The following GALNT13 variants were observed in gnomAD, a reference collection of about 807,000 sequenced individuals.
GALNT13 encodes polypeptide N-acetylgalactosaminyltransferase 13, also known as UDP-GalNAc:polypeptide N-acetylgalactosaminyltransferase 13.
A neutral mutation model predicts 64.2 loss-of-function variants in GALNT13; 28 were observed. That is an observed-to-expected ratio of 0.44 (90% confidence interval 0.32 to 0.60). The LOEUF (loss-of-function observed/expected upper bound fraction) is 0.60, where lower values mean the gene tolerates loss of function less well. Among genes scored for constraint, GALNT13 ranks in the 20% least tolerant of loss-of-function variants. The pLI, the probability that GALNT13 is intolerant of heterozygous loss-of-function variation, is 0.05. For missense variants in GALNT13, 577 were observed against 669.8 expected (o/e 0.86, Z 1.53); for synonymous variants, 214 against 224.6 (o/e 0.95, Z 0.42).
intron 1 of GALNT13, among the ~76,000 whole-genome samples, chr2:153,890,078 T>C (rs1246020591): frequency 6.6e-6 from 1 of 151,734 alleles, no homozygotes; most frequent in Non-Finnish European, 1.5e-5. Context: ...CAGGAAAGAG[T>C]AACACCTGCG....
chr2:153,105,087 CA>C, the GALNT13 span, among the ~76,000 whole-genome samples: 3 of 139,052 alleles, frequency 2.2e-5, no homozygotes, highest in South Asian at 7.4e-4. Context: ...TTCCTGTGTC[CA>C]TGTGTTCTCA....
At chr2:153,880,704 T>A in intron 1 of GALNT13, among the ~76,000 whole-genome samples, 1 of 152,166 alleles carries the variant, frequency 6.6e-6, no homozygotes, top group Non-Finnish European at 1.5e-5. Context: ...TTAGAAACAG[T>A]CTGTCACTGA....
chr2:154,145,074 A>C (rs12473948), intron 4 of GALNT13, among the ~76,000 whole-genome samples: 23,238 of 105,064 alleles, frequency 0.22, 2,756 homozygotes, highest in East Asian at 0.6. Context: ...CTCTCTCTCT[A>C]TCTATCTATC....
chr2:153,800,998 T>C, the GALNT13 span, among the ~76,000 whole-genome samples: 1 of 152,174 alleles, frequency 6.6e-6, no homozygotes, highest in Non-Finnish European at 1.5e-5. Flanking sequence ...GGAGATGGCT[T>C]CTTTCCTTAA....
chr2:154,316,935 A>G (rs1694349838), intron 9 of GALNT13, among the ~76,000 whole-genome samples: 1 of 152,208 alleles, frequency 6.6e-6, no homozygotes, highest in South Asian at 2.1e-4. Context: ...CAGGTGGGCC[A>G]GGTGCGGTGG....
At chr2:153,876,370 TGAA>T (rs1200291616) in intron 1 of GALNT13, among the ~76,000 whole-genome samples, 1 of 152,184 alleles carries the variant, frequency 6.6e-6, no homozygotes, top group Non-Finnish European at 1.5e-5. Flanking sequence ...GGCACATTGT[TGAA>T]GGACTTCTGC....
At chr2:154,123,950 G>T (rs1421954507) in intron 3 of GALNT13, among the ~76,000 whole-genome samples, 5 of 151,938 alleles carry the variant, frequency 3.3e-5, no homozygotes, top group African/African-American at 1.2e-4. Flanking sequence ...GTGTTTACAT[G>T]GGTATATACA....
chr2:153,128,287 C>G, the GALNT13 span, among the ~76,000 whole-genome samples: 9 of 152,124 alleles, frequency 5.9e-5, no homozygotes, highest in Non-Finnish European at 1.3e-4. Flanking sequence ...GGGGAGGCCT[C>G]ACAATCACGG....
At chr2:154,255,169 A>T (rs1195503745) in intron 7 of GALNT13, among the ~76,000 whole-genome samples, 2 of 152,162 alleles carry the variant, frequency 1.3e-5, no homozygotes, top group African/African-American at 4.8e-5. Context: ...GATTTCAAGC[A>T]GGAAGCCTGA....
chr2:153,175,071 T>C, the GALNT13 span, among the ~76,000 whole-genome samples: 1 of 152,284 alleles, frequency 6.6e-6, no homozygotes, highest in Non-Finnish European at 1.5e-5. Flanking sequence ...CCATAACAAC[T>C]ATATAAAAAC....
chr2:153,268,963 C>T, the GALNT13 span, among the ~76,000 whole-genome samples: 1 of 152,182 alleles, frequency 6.6e-6, no homozygotes, highest in Non-Finnish European at 1.5e-5. Context: ...TCATTTATTC[C>T]TCCTAGGTCT....
At chr2:153,691,643 G>T in the GALNT13 span, among the ~76,000 whole-genome samples, 2 of 151,596 alleles carry the variant, frequency 1.3e-5, no homozygotes, top group African/African-American at 4.8e-5. Flanking sequence ...ATAAACACAA[G>T]AAAAAAACCC....
At chr2:153,606,529 T>G in the GALNT13 span, among the ~76,000 whole-genome samples, 9 of 152,102 alleles carry the variant, frequency 5.9e-5, no homozygotes, top group African/African-American at 2.2e-4. Flanking sequence ...GTTAGTGTAT[T>G]TTATGTGTGG....
chr2:153,154,280 C>A, the GALNT13 span, among the ~76,000 whole-genome samples: 3 of 152,114 alleles, frequency 2.0e-5, no homozygotes, highest in Admixed American at 1.3e-4. Context: ...AAGGGCAGTT[C>A]CCCTGCACAT....
Position 154,398,381 on chromosome 2 carries a change from A to C in GALNT13, c.1296+2251A>C, listed in dbSNP as rs75026835. On this transcript the variant is annotated intron_variant, in intron 10 of 12. Transcript: ENST00000392825. ...GTAACAGAATTAGATGTTTAGTTCC[A>C]AGTTAAAAATCCAATTTTATGCTGT... Among the ~76,000 whole-genome samples, 709 of 152,352 alleles carry C rather than the reference A, an allele frequency of 4.7e-3. 7 individuals carry two copies. The highest frequency in any genetic ancestry group is 0.017 in the African/African-American group (689 of 41,584).
intron 2 of GALNT13, among the ~76,000 whole-genome samples, chr2:153,914,342 G>A (rs1689182722): frequency 6.6e-6 from 1 of 151,986 alleles, no homozygotes; most frequent in Non-Finnish European, 1.5e-5. Flanking sequence ...AAAACTAGTC[G>A]AGTGTGGTGG....
At chr2:153,537,966 T>G in the GALNT13 span, among the ~76,000 whole-genome samples, 2 of 152,190 alleles carry the variant, frequency 1.3e-5, no homozygotes, top group Non-Finnish European at 2.9e-5. Flanking sequence ...AGAAGTGGAT[T>G]GCTGTTATAA....
At chr2:153,890,525 C>T (rs993642324) in intron 1 of GALNT13, among the ~76,000 whole-genome samples, 5 of 151,974 alleles carry the variant, frequency 3.3e-5, no homozygotes, top group Admixed American at 2.0e-4. Flanking sequence ...AACTTTTTCC[C>T]GTGTTGCTTT....
At chr2:153,460,658 A>G in the GALNT13 span, among the ~76,000 whole-genome samples, 5 of 152,196 alleles carry the variant, frequency 3.3e-5, no homozygotes, top group African/African-American at 1.2e-4. Context: ...GAGTATCCAT[A>G]TGATTAATAA....
Sources: gnomAD v4.1 joint callset for allele counts (sites outside exome capture counted in the v4.1 genomes callset) on GRCh38, gnomAD v4.1.1 for gene constraint, MANE v1.5 for transcripts, NCBI Gene and HGNC (gene_info 2026-07-23, HGNC 2026-07-21) for gene names.